Variants in ERC2 observed in about 807,000 individuals in gnomAD.
The protein encoded by ERC2 is ELKS/RAB6-interacting/CAST family member 2.
Under a neutral mutation model 114.8 loss-of-function variants are expected in ERC2, and 42 were observed. The ratio of observed to expected loss-of-function variants is 0.37; its 90% confidence interval spans 0.29 to 0.47. ERC2 has a LOEUF of 0.47. Ranked by LOEUF, ERC2 falls within the 20% of genes least tolerant of loss-of-function variation. The pLI, the probability that ERC2 is intolerant of heterozygous loss-of-function variation, is 0.99. For missense variants in ERC2, 939 were observed against 1,150.7 expected, an observed-to-expected ratio of 0.82 and a Z score of 2.66; for synonymous variants, 454 against 425.5, an observed-to-expected ratio of 1.07 and a Z score of -0.82.
At chr3:56,333,653 T>C (rs2057728719) in intron 2 of ERC2, among the ~76,000 whole-genome samples, 1 of 152,216 alleles carries the variant, frequency 6.6e-6, no homozygotes, top group South Asian at 2.1e-4. Flanking sequence ...ACTAGAATTA[T>C]TTTTCATTTT....
chr3:55,793,687 A>C lies in ERC2; in HGVS notation c.2565-58769T>G, dbSNP rs542916586. Among the ~76,000 whole-genome samples, 3 of 152,334 alleles carry C rather than the reference A, an allele frequency of 2.0e-5. No homozygotes were observed. The South Asian group carries it at 6.2e-4, about 32-fold the overall frequency. ...ATAAAGCAGAAATAATTTACACTGAATCTGTTAAAAGGGATAACACTTCAC... is the reference window on the plus strand; with the variant it reads ...ATAAAGCAGAAATAATTTACACTGACTCTGTTAAAAGGGATAACACTTCAC... On this transcript the variant is annotated intron_variant, in intron 14 of 17. Transcript: ENST00000288221.
At chr3:55,739,113 T>C (rs2065821594) in intron 14 of ERC2, among the ~76,000 whole-genome samples, 1 of 152,248 alleles carries the variant, frequency 6.6e-6, no homozygotes, top group African/African-American at 2.4e-5. Context: ...GGCTGCATAC[T>C]ATTCCATGGT....
intron 4 of ERC2, 144 bp from the exon 5 acceptor site, chr3:56,149,276 AT>A (rs1055545117): frequency 2.3e-4 from 169 of 730,440 alleles, no homozygotes; most frequent in Middle Eastern, 1.2e-3. Context: ...AGGACAACTT[AT>A]TTTTTTTCAC....
intron 13 of ERC2, among the ~76,000 whole-genome samples, chr3:55,900,343 T>C (rs549134011): frequency 3.6e-4 from 55 of 152,328 alleles, no homozygotes; most frequent in African/African-American, 1.2e-3. Context: ...GCACTCAAAA[T>C]AAGCTGTGAG....
At chr3:56,415,483 T>C (rs114785100) in intron 2 of ERC2, among the ~76,000 whole-genome samples, 1,763 of 152,316 alleles carry the variant, frequency 0.012, 13 homozygotes, top group African/African-American at 0.021. Flanking sequence ...AAGGGAAATA[T>C]AGAAATTGTA....
At chr3:56,426,262 G>T (rs573797882) in intron 2 of ERC2, among the ~76,000 whole-genome samples, 1 of 152,152 alleles carries the variant, frequency 6.6e-6, no homozygotes, top group East Asian at 1.9e-4. Context: ...GAGTACATCT[G>T]AGTCGCTGGC....
intron 13 of ERC2, among the ~76,000 whole-genome samples, chr3:55,905,011 C>G (rs965351227): frequency 6.6e-6 from 1 of 152,214 alleles, no homozygotes; most frequent in East Asian, 1.9e-4. Context: ...CTAACAAAAG[C>G]AGCTCCCGTT....
rs540204065 is a variant in ERC2 at position 55,759,462 on chromosome 3, TAAAAAAAAAA to T, written c.2565-24554_2565-24545del. ...CTGGGACGTTTTAAGTCTCTTTCAT[TAAAAAAAAAA>T]AAAAAAAAAAAAAAAAAAAAAAAAA... On this transcript the variant is annotated intron_variant, in intron 14 of 17. Transcript: ENST00000288221. 4.4e-3 allele frequency among the ~76,000 whole-genome samples: 160 copies of T among 36,050 alleles called. 1 individual carries two copies. Among genetic ancestry groups the T allele is most frequent in the African/African-American group, 0.014 (135 of 9,534 alleles). 23.7% of individuals were successfully genotyped at this position (36,050 alleles called of 152,430 possible).
chr3:56,134,554 T>TGCCCA (rs1277109204), intron 6 of ERC2, among the ~76,000 whole-genome samples: 1 of 152,210 alleles, frequency 6.6e-6, no homozygotes, highest in African/African-American at 2.4e-5. Flanking sequence ...AGCATGTATG[T>TGCCCA]GCCCATGTGG....
chr3:55,870,850 T>C (rs748761074), intron 14 of ERC2, among the ~76,000 whole-genome samples: 6 of 152,198 alleles, frequency 3.9e-5, no homozygotes, highest in Non-Finnish European at 7.3e-5. Context: ...GGACGCAAAG[T>C]CTGTTTTGGT....
chr3:55,622,215 G>C (rs2059358457), intron 17 of ERC2, among the ~76,000 whole-genome samples: 1 of 152,180 alleles, frequency 6.6e-6, no homozygotes. Context: ...GTAGAAGCCA[G>C]GTAAAGCACC....
At chr3:55,919,944 G>A (rs1332844210) in intron 13 of ERC2, among the ~76,000 whole-genome samples, 1 of 152,116 alleles carries the variant, frequency 6.6e-6, no homozygotes. Flanking sequence ...GAATAAAGAA[G>A]AAAGTATGAA....
At chr3:56,417,172 C>A (rs892146550) in intron 2 of ERC2, among the ~76,000 whole-genome samples, 1 of 152,168 alleles carries the variant, frequency 6.6e-6, no homozygotes, top group South Asian at 2.1e-4. Flanking sequence ...ATATAGCTTG[C>A]TAGATCTGGA....
chr3:56,302,532 T>C (rs1416336125), intron 2 of ERC2, among the ~76,000 whole-genome samples: 2 of 152,194 alleles, frequency 1.3e-5, no homozygotes, highest in Non-Finnish European at 1.5e-5. Flanking sequence ...AAGTGAACGC[T>C]CTAGCAAAGC....
At chr3:56,130,634 C>A (rs2080148237) in intron 6 of ERC2, among the ~76,000 whole-genome samples, 1 of 152,174 alleles carries the variant, frequency 6.6e-6, no homozygotes, top group African/African-American at 2.4e-5. Context: ...GCTACCTGCA[C>A]CATCCTTTAA....
At chr3:56,354,112 A>C (rs2058656612) in intron 2 of ERC2, among the ~76,000 whole-genome samples, 1 of 152,216 alleles carries the variant, frequency 6.6e-6, no homozygotes, top group African/African-American at 2.4e-5. Context: ...GATCTTCTGA[A>C]TGAGAAAATA....
At chr3:56,366,005 G>A (rs2059136835) in intron 2 of ERC2, among the ~76,000 whole-genome samples, 1 of 152,188 alleles carries the variant, frequency 6.6e-6, no homozygotes, top group Non-Finnish European at 1.5e-5. Flanking sequence ...AACCTCTGCA[G>A]CAACCAGCCT....
At chr3:55,804,640 G>T (rs535032250) in intron 14 of ERC2, among the ~76,000 whole-genome samples, 1 of 152,138 alleles carries the variant, frequency 6.6e-6, no homozygotes, top group Non-Finnish European at 1.5e-5. Context: ...CTAATCAGGA[G>T]ATATGGCTGA....
chr3:56,303,708 G>A (rs1448896867), intron 2 of ERC2, among the ~76,000 whole-genome samples: 1 of 152,222 alleles, frequency 6.6e-6, no homozygotes, highest in Non-Finnish European at 1.5e-5. Context: ...GCTTGAGAGA[G>A]CGAACTGGGA....
Sources: gnomAD v4.1 joint callset for allele counts (sites outside exome capture counted in the v4.1 genomes callset) on GRCh38, gnomAD v4.1.1 for gene constraint, MANE v1.5 for transcripts, NCBI Gene and HGNC (gene_info 2026-07-23, HGNC 2026-07-21) for gene names.